ZNF337: variants seen among roughly 807,000 people sequenced by gnomAD.
The protein encoded by ZNF337 is zinc finger protein 337.
In ZNF337, 8 loss-of-function variants were observed where a neutral mutation model predicts 12.1. The observed-to-expected ratio is 0.66, with a 90% CI of 0.39 to 1.19. ZNF337 has a LOEUF of 1.19. Among genes scored for constraint, ZNF337 ranks in the 50% most tolerant of loss-of-function variants. The pLI, the probability that ZNF337 is intolerant of heterozygous loss-of-function variation, is 0.01. For missense variants in ZNF337, 882 were observed against 896.6 expected (o/e 0.98, Z 0.21); for synonymous variants, 336 against 320.0 (o/e 1.05, Z -0.53).
intron 4 of ZNF337, among the ~76,000 whole-genome samples, chr20:25,678,279 T>A (rs186540457): frequency 1.3e-5 from 2 of 152,188 alleles, no homozygotes; most frequent in African/African-American, 2.4e-5. Flanking sequence ...AAGAAAGCAA[T>A]CCCATTTATA....
At chr20:25,684,792 G>A (rs1600443412) in intron 4 of ZNF337, among the ~76,000 whole-genome samples, 1 of 152,146 alleles carries the variant, frequency 6.6e-6, no homozygotes, top group East Asian at 1.9e-4. Flanking sequence ...ATACTATGTG[G>A]CCATAAAAAA....
chr20:25,688,801 T>C (rs112155723), intron 1 of ZNF337, among the ~76,000 whole-genome samples: 2 of 152,294 alleles, frequency 1.3e-5, no homozygotes, highest in Non-Finnish European at 2.9e-5. Context: ...TTCCTTTTGT[T>C]CCTAAGCGGA....
intron 3 of ZNF337, 143 bp from the exon 4 acceptor site, chr20:25,685,805 A>T: frequency 1.7e-6 from 2 of 1,163,526 alleles, no homozygotes; most frequent in Non-Finnish European, 2.5e-6. Context: ...TCAGAGTACA[A>T]ACCCCCAGGG....
rs147865316 is a variant in ZNF337, at chr20:25,676,212, T to C, written c.1076A>G (p.Asn359Ser). ...RCQECGRGFSNKSHLITHQRT... is the reference protein window; with the variant it reads ...RCQECGRGFSSKSHLITHQRT... ...CTGGTGTGTGATAAGGTGTGACTTATTGCTAAAGCCTCGGCCACACTCCTG... is the reference window on the plus strand; with the variant it reads ...CTGGTGTGTGATAAGGTGTGACTTACTGCTAAAGCCTCGGCCACACTCCTG... Residue 359 changes from asparagine to serine, a missense_variant, in exon 5 of 5, where the codon AAT (asparagine) becomes AGT (serine). By Grantham distance (46) the Asn-to-Ser change is conservative. Transcript: ENST00000252979. 1.1e-5 allele frequency: 17 copies of C among 1,613,800 alleles called. No individual in the cohort carries two copies. The highest frequency in any genetic ancestry group is 1.7e-5 in the Admixed American group (1 of 59,986).
intron 1 of ZNF337, among the ~76,000 whole-genome samples, chr20:25,688,227 AT>A (rs962419581): frequency 3.9e-5 from 6 of 152,116 alleles, no homozygotes; most frequent in African/African-American, 1.2e-4. Flanking sequence ...TATGTATTTC[AT>A]TTTTTAACTG....
Position 25,686,002 on chromosome 20 carries a change from A to C in ZNF337, c.148T>G (p.Ser50Ala). 6.2e-7 allele frequency: 1 copy of C among 1,611,218 alleles called. No individual in the cohort carries two copies. Among genetic ancestry groups the C allele is most frequent in the Non-Finnish European group, 8.5e-7 (1 of 1,179,260 alleles). The change falls in exon 3 of 5, where the codon TCA (serine) becomes GCA (alanine). Residue 50 changes from serine (S) to alanine (A), a missense_variant. Ser to Ala is a moderately conservative substitution (Grantham distance 99). Transcript: ENST00000252979. ...CGAGGGAAGCCACGCTTACCTAGTG[A>C]GACCAGGTGGCTGTAGTTCTCCAGT... ...VTLENYSHLV[S>A]LGILHSKPEL...
At chr20:25,694,132 T>G (rs2065902378) in intron 1 of ZNF337, among the ~76,000 whole-genome samples, 1 of 152,178 alleles carries the variant, frequency 6.6e-6, no homozygotes. Flanking sequence ...ATTATAATAT[T>G]TAACACTTTT....
chr20:25,695,669 G>A (rs1332020282), intron 1 of ZNF337, among the ~76,000 whole-genome samples: 1 of 152,184 alleles, frequency 6.6e-6, no homozygotes, highest in Non-Finnish European at 1.5e-5. Context: ...GGCCTCCCAA[G>A]TAGCTGAGGC....
At chr20:25,685,945 C>T in intron 3 of ZNF337, 51 bp downstream of exon 3, 2 of 1,577,660 alleles carry the variant, frequency 1.3e-6, no homozygotes. Context: ...CCTATGGCAA[C>T]ATCAGAGGCA....
chr20:25,677,112 T>A (rs979998318), intron 4 of ZNF337, 75 bp from the exon 5 acceptor site: 2 of 1,151,420 alleles, frequency 1.7e-6, no homozygotes, highest in Middle Eastern at 4.1e-4. Context: ...AGAACCATAT[T>A]GCTTTACTGC....
At chr20:25,695,602 G>T (rs1456802812) in intron 1 of ZNF337, among the ~76,000 whole-genome samples, 1 of 152,150 alleles carries the variant, frequency 6.6e-6, no homozygotes, top group East Asian at 1.9e-4. Flanking sequence ...CCAGGCTAGC[G>T]TGCAGTGCAG....
Position 25,676,300 on chromosome 20 carries a change from T to C in ZNF337, c.988A>G (p.Thr330Ala). Residue 330 changes from threonine (T) to alanine (A), a missense_variant, in exon 5 of 5, where the codon ACT becomes GCT. Coordinates refer to ENST00000252979, the MANE Select transcript of ZNF337 (RefSeq NM_015655.4). ...TGCACAACGAAGTATGACTTATTAG[T>C]ATAGCCTCGCCCACACTCCTTGCAC... ...FVCKECGRGY[T>A]NKSYFVVHKR... The C allele has an allele frequency of 7.4e-6, 12 of 1,614,102 alleles. No homozygotes were observed. The highest frequency in any genetic ancestry group is 1.3e-5 in the African/African-American group (1 of 75,032).
chr20:25,673,844 C>T lies in ZNF337; in HGVS notation c.*1188G>A, dbSNP rs946715472. On this transcript the variant is annotated 3_prime_UTR_variant, in exon 5 of 5. Coordinates refer to ENST00000252979, the MANE Select transcript of ZNF337 (RefSeq NM_015655.4). ...TCGGCGATAATCAGTCTACTCTGCTCTTTGTAGGCACTTTCCCTACATTTT... is the reference window on the plus strand; with the variant it reads ...TCGGCGATAATCAGTCTACTCTGCTTTTTGTAGGCACTTTCCCTACATTTT... The T allele has an allele frequency of 2.0e-5, 3 of 152,154 alleles. No individual in the cohort carries two copies. Among genetic ancestry groups the T allele is most frequent in the East Asian group, 1.9e-4 (1 of 5,184 alleles). 9.4% of individuals were successfully genotyped at this position (152,154 alleles called of 1,614,324 possible).
At chr20:25,688,378 A>T (rs925329758) in intron 1 of ZNF337, among the ~76,000 whole-genome samples, 14 of 152,322 alleles carry the variant, frequency 9.2e-5, no homozygotes, top group African/African-American at 3.4e-4. Flanking sequence ...GTGAATAAAA[A>T]ATTTTTTTTT....
intron 4 of ZNF337, chr20:25,677,711 C>T (rs1010134058): frequency 2.6e-5 from 4 of 152,044 alleles, no homozygotes; most frequent in Non-Finnish European, 5.9e-5. Context: ...GTGCCATTGC[C>T]TGGCTAATTT....
intron 2 of ZNF337, 133 bp from the exon 3 acceptor site, chr20:25,686,255 G>T: frequency 6.6e-7 from 1 of 1,504,178 alleles, no homozygotes; most frequent in Non-Finnish European, 9.1e-7. Flanking sequence ...ACCTGCTGGA[G>T]GACGCCAGGA....
At chr20:25,690,918 G>A (rs893362737) in intron 1 of ZNF337, among the ~76,000 whole-genome samples, 3 of 152,066 alleles carry the variant, frequency 2.0e-5, no homozygotes, top group African/African-American at 7.2e-5. Flanking sequence ...TTTCCACAAT[G>A]CCTAATTTCT....
Position 25,675,886 on chromosome 20 carries a change from C to T in ZNF337, c.1402G>A (p.Gly468Ser), listed in dbSNP as rs771952553. 1 of 1,613,984 alleles carries T rather than the reference C, an allele frequency of 6.2e-7. No individual in the cohort carries two copies. Among genetic ancestry groups the T allele is most frequent in the Non-Finnish European group, 8.5e-7 (1 of 1,179,988 alleles). Reference protein sequence around the residue: ...KPFVCKDCGRGFIQKSTFTLH... With the variant: ...KPFVCKDCGRSFIQKSTFTLH... ...GTGAAGGTTGACTTTTGGATAAAGCCTCGTCCACAGTCCTTGCACACAAAA... is the reference window on the plus strand; with the variant it reads ...GTGAAGGTTGACTTTTGGATAAAGCTTCGTCCACAGTCCTTGCACACAAAA... Residue 468 changes from glycine to serine, a missense_variant, in exon 5 of 5, where the codon GGC (glycine) becomes AGC (serine). Gly to Ser is a moderately conservative substitution (Grantham distance 56). Transcript: ENST00000252979.
intron 4 of ZNF337, among the ~76,000 whole-genome samples, chr20:25,680,320 T>A (rs2065755361): frequency 6.6e-6 from 1 of 152,118 alleles, no homozygotes; most frequent in Non-Finnish European, 1.5e-5. Flanking sequence ...CCTGATTTGA[T>A]CATTACATAT....
Sources: allele counts gnomAD v4.1 joint callset (sites outside exome capture counted in the v4.1 genomes callset), GRCh38; gene constraint gnomAD v4.1.1; transcripts MANE v1.5; gene names NCBI Gene and HGNC (gene_info 2026-07-23, HGNC 2026-07-21).